ACACA: variants seen among roughly 807,000 people sequenced by gnomAD.
ACACA encodes the protein acetyl-CoA carboxylase 1.
ACACA carries 103 observed loss-of-function variants against 296.1 expected under a neutral mutation model. The observed-to-expected ratio is 0.35, with a 90% CI of 0.30 to 0.41. The LOEUF is 0.41. Among genes scored for constraint, ACACA ranks in the 10% least tolerant of loss-of-function variants. The pLI is 1.00. For missense variants in ACACA, 1,554 were observed against 2,989.7 expected (o/e 0.52, Z 11.20); for synonymous variants, 953 against 1,038.6 (o/e 0.92, Z 1.58).
chr17:37,095,231 G>A (rs1027196103), intron 54 of ACACA, among the ~76,000 whole-genome samples: 11 of 152,166 alleles, frequency 7.2e-5, no homozygotes, highest in Non-Finnish European at 1.6e-4. Flanking sequence ...ACTCTTAACT[G>A]GAGGACAAAC....
At chr17:37,150,629 C>T (rs540556701) in intron 44 of ACACA, among the ~76,000 whole-genome samples, 1 of 151,942 alleles carries the variant, frequency 6.6e-6, no homozygotes, top group African/African-American at 2.4e-5. Flanking sequence ...TGGCACATGC[C>T]TGTAGTCCTA....
chr17:37,224,163 C>CT (rs1246783446), intron 27 of ACACA, among the ~76,000 whole-genome samples: 1 of 152,212 alleles, frequency 6.6e-6, no homozygotes, highest in African/African-American at 2.4e-5. Context: ...GATTATGCCA[C>CT]TGCACTCCAG....
intron 46 of ACACA, 68 bp from the exon 47 acceptor site, chr17:37,129,553 A>G: frequency 6.2e-7 from 1 of 1,604,004 alleles, no homozygotes; most frequent in South Asian, 1.1e-5. Flanking sequence ...CTCAGCAACA[A>G]TAGTTATAGA....
rs139361218 is a variant in ACACA at position 37,161,564 on chromosome 17, C to G, written c.5349+217G>C. 4.2e-4 allele frequency: 256 copies of G among 613,390 alleles called. 1 individual carries two copies. The African/African-American group carries it at 4.4e-3, about 10-fold the overall frequency. 38.0% of individuals were successfully genotyped at this position (613,390 alleles called of 1,614,324 possible). A position where few individuals can be genotyped will look rare whatever the true frequency, so the allele number is the denominator to read the frequency against. On this transcript the variant is annotated intron_variant, in intron 42 of 55. Coordinates refer to ENST00000616317, the MANE Select transcript of ACACA (RefSeq NM_198834.3). ...AGTGCTCAACCAAAGAAACAGCAAC[C>G]TGTTTTATAGATGGAAGAAAAACCA...
At chr17:37,273,437 T>C (rs1033146337) in intron 9 of ACACA, among the ~76,000 whole-genome samples, 5 of 152,232 alleles carry the variant, frequency 3.3e-5, no homozygotes, top group Admixed American at 6.5e-5. Context: ...AGTAACACTT[T>C]CAGTCTTTCT....
At chr17:37,236,843 A>T (rs190744128) in intron 24 of ACACA, among the ~76,000 whole-genome samples, 1 of 152,262 alleles carries the variant, frequency 6.6e-6, no homozygotes, top group African/African-American at 2.4e-5. Context: ...AAGAACACAC[A>T]CCAAACAAAA....
chr17:37,295,176 C>T (rs542449808), intron 3 of ACACA, among the ~76,000 whole-genome samples: 1 of 152,300 alleles, frequency 6.6e-6, no homozygotes, highest in East Asian at 1.9e-4. Context: ...GGGACCACAA[C>T]TGGAAAAGAT....
intron 44 of ACACA, among the ~76,000 whole-genome samples, chr17:37,150,825 G>A (rs1189585616): frequency 1.3e-5 from 2 of 151,848 alleles, no homozygotes; most frequent in East Asian, 1.9e-4. Flanking sequence ...AGGCTGAGGC[G>A]GGTGGATCAC....
chr17:37,284,771 A>G, intron 4 of ACACA, 67 bp downstream of exon 4: 1 of 1,607,826 alleles, frequency 6.2e-7, no homozygotes, highest in Non-Finnish European at 8.5e-7. Context: ...AAATCTAGAC[A>G]ACAAATCTAG....
intron 25 of ACACA, among the ~76,000 whole-genome samples, chr17:37,234,219 A>C (rs1440605305): frequency 6.6e-6 from 1 of 152,218 alleles, no homozygotes; most frequent in African/African-American, 2.4e-5. Flanking sequence ...GCTCAGGACC[A>C]TGGGGTGAGG....
intron 1 of ACACA, among the ~76,000 whole-genome samples, chr17:37,382,917 G>A (rs1340418493): frequency 1.3e-5 from 2 of 152,024 alleles, no homozygotes. Flanking sequence ...CGCGCTTGTA[G>A]TCCCAGCTAC....
Position 37,141,154 on chromosome 17 carries a change from A to G in ACACA, c.5679+8710T>C, listed in dbSNP as rs9891120. ...ACGCGTCTGCTTCTGCACTGGCATA[A>G]TCTTCAAAACCTCATCCTTGAGAGA... On this transcript the variant is annotated intron_variant, in intron 45 of 55. Coordinates refer to ENST00000616317, the MANE Select transcript of ACACA (RefSeq NM_198834.3). The G allele has an allele frequency of 7.8e-3, 3,991 of 513,902 alleles. 120 individuals are homozygous for G. The highest frequency in any genetic ancestry group is 0.07 in the African/African-American group (3,641 of 52,248). The allele number at this position is 513,902 out of a possible 1,614,324, so 31.8% of individuals were successfully genotyped here.
chr17:37,279,237 A>G, intron 5 of ACACA, among the ~76,000 whole-genome samples: 1 of 152,260 alleles, frequency 6.6e-6, no homozygotes, highest in Non-Finnish European at 1.5e-5. Flanking sequence ...AATTTCTTCA[A>G]AATTAAAATA....
At chr17:37,149,020 C>T (rs1392085203) in intron 45 of ACACA, among the ~76,000 whole-genome samples, 18 of 152,046 alleles carry the variant, frequency 1.2e-4, no homozygotes, top group Non-Finnish European at 2.9e-5. Flanking sequence ...CTTTTCTGGC[C>T]CTGAAGAGAA....
intron 3 of ACACA, chr17:37,299,855 A>G (rs2083535631): frequency 1.1e-6 from 1 of 951,568 alleles, no homozygotes; most frequent in Non-Finnish European, 1.3e-6. Flanking sequence ...CATGAAATCC[A>G]GAGGGAGGAG....
At chr17:37,372,344 C>A (rs1003618660) in intron 1 of ACACA, among the ~76,000 whole-genome samples, 1 of 146,884 alleles carries the variant, frequency 6.8e-6, no homozygotes, top group Non-Finnish European at 1.5e-5. Context: ...ACCCAGGAGG[C>A]GGAGCTTGCA....
intron 42 of ACACA, among the ~76,000 whole-genome samples, chr17:37,159,739 T>C (rs2076390620): frequency 6.6e-6 from 1 of 152,206 alleles, no homozygotes; most frequent in Admixed American, 6.5e-5. Context: ...GACAAATGTA[T>C]GTACTTAGGT....
chr17:37,279,302 G>A (rs911207574), intron 5 of ACACA, among the ~76,000 whole-genome samples: 5 of 152,128 alleles, frequency 3.3e-5, no homozygotes, highest in African/African-American at 1.2e-4. Flanking sequence ...ATTAAACAAT[G>A]TTAGATAATA....
intron 42 of ACACA, among the ~76,000 whole-genome samples, chr17:37,158,821 G>T (rs1025826799): frequency 4.6e-5 from 7 of 152,042 alleles, no homozygotes; most frequent in African/African-American, 1.5e-4. Flanking sequence ...GGGGAGTCCA[G>T]AACTTCTTGG....
Sources: gnomAD v4.1 joint callset for allele counts (sites outside exome capture counted in the v4.1 genomes callset) on GRCh38, gnomAD v4.1.1 for gene constraint, MANE v1.5 for transcripts, NCBI Gene and HGNC (gene_info 2026-07-23, HGNC 2026-07-21) for gene names.